Variants in RPS6KB1 observed in about 807,000 individuals in gnomAD.
The protein encoded by RPS6KB1 is ribosomal protein S6 kinase beta-1.
A neutral mutation model predicts 70.2 loss-of-function variants in RPS6KB1; 12 were observed. That is an observed-to-expected ratio of 0.17 (90% confidence interval 0.11 to 0.28). The LOEUF is 0.28. Among genes scored for constraint, RPS6KB1 ranks in the 10% least tolerant of loss-of-function variants. RPS6KB1 has a pLI of 1.00. For missense variants in RPS6KB1, 270 were observed against 646.6 expected, an observed-to-expected ratio of 0.42 and a Z score of 6.32; for synonymous variants, 175 against 211.2, an observed-to-expected ratio of 0.83 and a Z score of 1.49.
At chr17:59,907,449 C>G (rs536924576) in intron 1 of RPS6KB1, 1 of 152,252 alleles carries the variant, frequency 6.6e-6, no homozygotes, top group South Asian at 2.1e-4. Flanking sequence ...GATCCATAAA[C>G]ATGGAATGCC....
Position 59,915,658 on chromosome 17 carries a change from G to T in RPS6KB1, c.381+955G>T, listed in dbSNP as rs1035779507. Among the ~76,000 whole-genome samples the T allele has an allele frequency of 2.7e-5, 4 of 148,710 alleles. No individual in the cohort carries two copies. The Admixed American group carries it at 2.7e-4, about 10-fold the overall frequency. On this transcript the variant is annotated intron_variant, in intron 4 of 14. Transcript: ENST00000225577. Reference sequence around the variant, plus strand: ...TTTTTGGATTTTTAGTGTAGACGGGGTTTCACCATATTGGCCAGGCTGGTC... The same window carrying T: ...TTTTTGGATTTTTAGTGTAGACGGGTTTTCACCATATTGGCCAGGCTGGTC...
At chr17:59,902,736 C>T (rs1210132765) in intron 1 of RPS6KB1, among the ~76,000 whole-genome samples, 2 of 151,978 alleles carry the variant, frequency 1.3e-5, no homozygotes, top group African/African-American at 4.8e-5. Flanking sequence ...GCCACCATTC[C>T]CAGCTAATTT....
chr17:59,947,565 A>G lies in RPS6KB1; in HGVS notation c.*777A>G, dbSNP rs2044999023. 9 of 1,538,064 alleles carry G rather than the reference A, an allele frequency of 5.9e-6. No homozygotes were observed. The highest frequency in any genetic ancestry group is 7.0e-6 in the Non-Finnish European group (8 of 1,136,568). On this transcript the variant is annotated 3_prime_UTR_variant, in exon 15 of 15. Transcript: ENST00000225577. ...AATATGAGAAAAAAAAAATGAATCT[A>G]TTTAATCATTTCTACTTGCAGTACT...
intron 1 of RPS6KB1, among the ~76,000 whole-genome samples, chr17:59,902,602 G>T (rs561843512): frequency 6.9e-6 from 1 of 145,014 alleles, no homozygotes; most frequent in African/African-American, 2.5e-5. Context: ...TTTGGAGATA[G>T]GGTCTCACTC....
chr17:59,902,860 G>A (rs2144705379), intron 1 of RPS6KB1, among the ~76,000 whole-genome samples: 1 of 152,206 alleles, frequency 6.6e-6, no homozygotes, highest in African/African-American at 2.4e-5. Flanking sequence ...TTATAGGCAT[G>A]AGCCACCTCC....
At chr17:59,936,383 G>A in intron 11 of RPS6KB1, 81 bp from the exon 12 acceptor site, 3 of 1,524,176 alleles carry the variant, frequency 2.0e-6, no homozygotes, top group Non-Finnish European at 2.7e-6. Flanking sequence ...TTTGTGACTT[G>A]TAACTTCAAA....
In RPS6KB1 at chr17:59,914,565, T is replaced by C. The variant is rs920636551; in HGVS notation, c.313-70T>C. The C allele has an allele frequency of 6.3e-6, 7 of 1,111,982 alleles. No individual in the cohort carries two copies. The African/African-American group carries it at 1.1e-4, about 17-fold the overall frequency. 68.9% of individuals were successfully genotyped at this position (1,111,982 alleles called of 1,614,324 possible). ...AAACTGCTGTGGCATATGTTTCTTA[T>C]AACTAGGAATTAAGGGAGTATGCCT... is the stretch of plus-strand genomic sequence containing the variant. On this transcript the variant is annotated intron_variant, in intron 3 of 14. Coordinates refer to ENST00000225577, the MANE Select transcript of RPS6KB1 (RefSeq NM_003161.4).
rs1364843441 is a variant in RPS6KB1 at position 59,949,485 on chromosome 17, T to A, written c.*2697T>A. The stretch of plus-strand genomic sequence containing the variant: ...AATCAGCTATTACAGGATATTTTTT[T>A]ATTTTATACATGCTGTTTTTTAATT... On this transcript the variant is annotated 3_prime_UTR_variant, in exon 15 of 15. Transcript: ENST00000225577. 2.0e-5 allele frequency: 3 copies of A among 152,596 alleles called. No individual in the cohort carries two copies. The highest frequency in any genetic ancestry group is 7.2e-5 in the African/African-American group (3 of 41,456). 9.5% of individuals were successfully genotyped at this position (152,596 alleles called of 1,614,324 possible).
chr17:59,893,988 A>G lies in RPS6KB1; in HGVS notation c.141+663A>G, dbSNP rs1013908365. The G allele has an allele frequency of 2.1e-6, 2 of 942,418 alleles. No homozygotes were observed. The highest frequency in any genetic ancestry group is 2.5e-6 in the Non-Finnish European group (2 of 791,632). 58.4% of individuals were successfully genotyped at this position (942,418 alleles called of 1,614,324 possible). Reference sequence around the variant, plus strand: ...GTGACTTTTTAAAATAAGCATTTATAAGGACACACGGCACTTGTAACCTTT... The same window carrying G: ...GTGACTTTTTAAAATAAGCATTTATGAGGACACACGGCACTTGTAACCTTT... On this transcript the variant is annotated intron_variant, in intron 1 of 14. Coordinates refer to ENST00000225577, the MANE Select transcript of RPS6KB1 (RefSeq NM_003161.4). This position sits in a 1 kb window ranked among gnomAD's most constrained non-coding sequence, Gnocchi z 4.1.
intron 4 of RPS6KB1, among the ~76,000 whole-genome samples, chr17:59,917,822 CT>C (rs1183876579): frequency 6.6e-6 from 1 of 152,204 alleles, no homozygotes; most frequent in Non-Finnish European, 1.5e-5. Context: ...TTCCTTCCCA[CT>C]GTTTTCTCTT....
chr17:59,930,800 GC>G (rs1273606464), intron 6 of RPS6KB1: 7 of 152,030 alleles, frequency 4.6e-5, no homozygotes, highest in African/African-American at 1.7e-4. Context: ...TTAATTTCAG[GC>G]CTTTTCTAAC....
intron 4 of RPS6KB1, among the ~76,000 whole-genome samples, chr17:59,917,195 T>C (rs1343580859): frequency 6.6e-6 from 1 of 152,136 alleles, no homozygotes; most frequent in African/African-American, 2.4e-5. Flanking sequence ...TATAGCTCAG[T>C]GCAACCTCAA....
chr17:59,898,950 C>A (rs1303764984), intron 1 of RPS6KB1, among the ~76,000 whole-genome samples: 1 of 151,174 alleles, frequency 6.6e-6, no homozygotes, highest in African/African-American at 2.4e-5. Flanking sequence ...TGCCTGTAAT[C>A]CCAGCACTTT....
Position 59,947,584 on chromosome 17 carries a change from C to G in RPS6KB1, c.*796C>G, listed in dbSNP as rs770581490. The stretch of plus-strand genomic sequence containing the variant: ...GAATCTATTTAATCATTTCTACTTG[C>G]AGTACTGCTATGTGCTAAGCTTAAC... On this transcript the variant is annotated 3_prime_UTR_variant, in exon 15 of 15. Coordinates refer to ENST00000225577, the MANE Select transcript of RPS6KB1 (RefSeq NM_003161.4). The G allele has an allele frequency of 4.3e-5, 65 of 1,508,504 alleles. No individual in the cohort carries two copies. In the Admixed American group the frequency reaches 1.2e-3, roughly 28 times the overall value. 93.4% of individuals were successfully genotyped at this position (1,508,504 alleles called of 1,614,324 possible).
At chr17:59,906,427 C>T (rs996820917) in intron 1 of RPS6KB1, among the ~76,000 whole-genome samples, 13 of 152,020 alleles carry the variant, frequency 8.6e-5, no homozygotes, top group Admixed American at 2.0e-4. Context: ...TGCAGTGGCG[C>T]GATCTCGGCT....
intron 5 of RPS6KB1, among the ~76,000 whole-genome samples, chr17:59,929,207 T>G (rs1172005579): frequency 6.6e-6 from 1 of 151,542 alleles, no homozygotes; most frequent in Non-Finnish European, 1.5e-5. Context: ...CTCAGCTCAC[T>G]GCAACCTCCA....
chr17:59,936,094 A>T, intron 10 of RPS6KB1, 121 bp from the exon 11 acceptor site: 3 of 841,462 alleles, frequency 3.6e-6, no homozygotes, highest in Non-Finnish European at 5.6e-6. Context: ...GGCATGAGCC[A>T]CTGTGCCTGG....
rs1048591222 is a variant in RPS6KB1 at position 59,948,379 on chromosome 17, A to G, written c.*1591A>G. On this transcript the variant is annotated 3_prime_UTR_variant, in exon 15 of 15. Coordinates refer to ENST00000225577, the MANE Select transcript of RPS6KB1 (RefSeq NM_003161.4). ...TCTGAGTGTGCAAAGTCAATTTGTAATATTTTGCAACCCTAGGATTTTTTT... is the reference window on the plus strand; with the variant it reads ...TCTGAGTGTGCAAAGTCAATTTGTAGTATTTTGCAACCCTAGGATTTTTTT... 8 of 152,582 alleles carry G rather than the reference A, an allele frequency of 5.2e-5. No homozygotes were observed. The highest frequency in any genetic ancestry group is 1.2e-4 in the Non-Finnish European group (8 of 68,012). 9.5% of individuals were successfully genotyped at this position (152,582 alleles called of 1,614,324 possible).
chr17:59,946,924 A>C lies in RPS6KB1; in HGVS notation c.*136A>C, dbSNP rs527419431. On this transcript the variant is annotated 3_prime_UTR_variant, in exon 15 of 15. Transcript: ENST00000225577. The surrounding 1 kb of genome is among the most constrained non-coding windows in gnomAD (Gnocchi z 4.2). ...TACATAGAACACTTCAGACACAGGA[A>C]AAATAAACGTGGATTTTAAAAAATC... is the stretch of plus-strand genomic sequence containing the variant. The C allele has an allele frequency of 2.7e-6, 4 of 1,491,646 alleles. No homozygotes were observed. The South Asian group carries it at 5.7e-5, about 21-fold the overall frequency. 92.4% of individuals were successfully genotyped at this position (1,491,646 alleles called of 1,614,324 possible).
Sources: gnomAD v4.1 joint callset for allele counts (sites outside exome capture counted in the v4.1 genomes callset) on GRCh38, gnomAD v4.1.1 for gene constraint, Gnocchi (gnomAD v3.1) non-coding constraint, MANE v1.5 for transcripts, NCBI Gene and HGNC (gene_info 2026-07-23, HGNC 2026-07-21) for gene names.